The following AGBL1 variants were observed in gnomAD, a reference collection of about 807,000 sequenced individuals.
AGBL1 encodes the protein AGBL carboxypeptidase 1, also known as cytosolic carboxypeptidase 4.
AGBL1 carries 130 observed loss-of-function variants against 118.9 expected under a neutral mutation model. The observed-to-expected ratio is 1.09, with a 90% CI of 0.95 to 1.26. The LOEUF (loss-of-function observed/expected upper bound fraction) is 1.26. Ranked by LOEUF, AGBL1 falls within the 50% of genes most tolerant of loss-of-function variation. The pLI is 0.00. For missense variants in AGBL1, 1,584 were observed against 1,298.1 expected (o/e 1.22, Z -3.38); for synonymous variants, 555 against 478.9 (o/e 1.16, Z -2.08).
intron 17 of AGBL1, among the ~76,000 whole-genome samples, chr15:86,328,548 A>C (rs1166731296): frequency 6.6e-6 from 1 of 152,180 alleles, no homozygotes; most frequent in Non-Finnish European, 1.5e-5. Context: ...AAACTCTGTG[A>C]GCCTTAACTC....
intron 23 of AGBL1, among the ~76,000 whole-genome samples, chr15:86,937,529 C>T (rs574285074): frequency 7.9e-5 from 12 of 152,262 alleles, no homozygotes; most frequent in African/African-American, 2.9e-4. Flanking sequence ...CCATTATCCT[C>T]AGCAAATTAA....
chr15:86,081,846 G>A (rs959824328), intron 1 of AGBL1, among the ~76,000 whole-genome samples: 5 of 152,106 alleles, frequency 3.3e-5, no homozygotes, highest in African/African-American at 2.4e-5. Context: ...TCCTGTAGTC[G>A]GCCTCAAAGT....
At chr15:86,167,249 C>CTT (rs112194941) in intron 5 of AGBL1, among the ~76,000 whole-genome samples, 3 of 142,310 alleles carry the variant, frequency 2.1e-5, no homozygotes, top group Non-Finnish European at 4.6e-5. Flanking sequence ...TTTTACTTTT[C>CTT]TTTTTTTTTT....
At chr15:86,565,935 G>T (rs372108772) in intron 21 of AGBL1, among the ~76,000 whole-genome samples, 1 of 152,214 alleles carries the variant, frequency 6.6e-6, no homozygotes, top group African/African-American at 2.4e-5. Flanking sequence ...TGAGCCAGGC[G>T]CGGGATATAA....
chr15:86,587,308 C>G (rs962748131), intron 21 of AGBL1, among the ~76,000 whole-genome samples: 7 of 152,194 alleles, frequency 4.6e-5, no homozygotes, highest in Non-Finnish European at 1.0e-4. Context: ...CCTCTGACCT[C>G]TATGCTCCTT....
At chr15:86,274,213 A>G (rs1045160718) in intron 15 of AGBL1, among the ~76,000 whole-genome samples, 3 of 152,202 alleles carry the variant, frequency 2.0e-5, no homozygotes, top group Admixed American at 6.5e-5. Flanking sequence ...CTTAGGGCAC[A>G]CTAGAATTTT....
intron 24 of AGBL1, among the ~76,000 whole-genome samples, chr15:87,012,352 T>C (rs941408276): frequency 3.9e-5 from 6 of 152,094 alleles, no homozygotes; most frequent in African/African-American, 1.4e-4. Flanking sequence ...GGTACTTTCC[T>C]ACATTGGAGG....
chr15:86,243,104 A>G (rs1004898959), intron 6 of AGBL1, among the ~76,000 whole-genome samples: 1 of 152,218 alleles, frequency 6.6e-6, no homozygotes, highest in African/African-American at 2.4e-5. Context: ...TGTGTGGCTA[A>G]TAGTCTGTAG....
At chr15:86,906,132 G>A (rs1174775497) in intron 22 of AGBL1, among the ~76,000 whole-genome samples, 1 of 152,186 alleles carries the variant, frequency 6.6e-6, no homozygotes, top group African/African-American at 2.4e-5. Context: ...AGCTCTGCCT[G>A]ATTTATGAAG....
At chr15:87,020,272 G>T (rs1292511784) in intron 24 of AGBL1, among the ~76,000 whole-genome samples, 1 of 152,084 alleles carries the variant, frequency 6.6e-6, no homozygotes, top group Non-Finnish European at 1.5e-5. Context: ...CTCATTAGAT[G>T]CAGACAAGGC....
At chr15:86,728,734 A>C (rs1383416922) in intron 22 of AGBL1, among the ~76,000 whole-genome samples, 1 of 151,862 alleles carries the variant, frequency 6.6e-6, no homozygotes, top group Admixed American at 6.6e-5. Context: ...CATCTTTTAA[A>C]ATTTTGTGTC....
chr15:86,728,500 C>G (rs979609862), intron 22 of AGBL1, among the ~76,000 whole-genome samples: 1 of 152,174 alleles, frequency 6.6e-6, no homozygotes. Flanking sequence ...CAGAGCCTAC[C>G]TTTTCGCCTC....
At chr15:86,631,538 T>TA (rs1279860431) in intron 21 of AGBL1, among the ~76,000 whole-genome samples, 1 of 152,202 alleles carries the variant, frequency 6.6e-6, no homozygotes, top group Non-Finnish European at 1.5e-5. Context: ...GTTTCTGACT[T>TA]ACTAATTCTT....
At chr15:86,761,279 T>C (rs895049344) in intron 22 of AGBL1, among the ~76,000 whole-genome samples, 1 of 152,036 alleles carries the variant, frequency 6.6e-6, no homozygotes, top group Non-Finnish European at 1.5e-5. Flanking sequence ...ACAAGAAACC[T>C]GACATATACA....
intron 5 of AGBL1, among the ~76,000 whole-genome samples, chr15:86,182,349 TTG>T (rs1000414327): frequency 2.6e-5 from 4 of 152,080 alleles, no homozygotes; most frequent in African/African-American, 4.8e-5. Flanking sequence ...GGGAAATTCC[TTG>T]TGTTTGTTTA....
At chr15:86,672,076 A>G (rs572137322) in intron 21 of AGBL1, among the ~76,000 whole-genome samples, 23 of 152,194 alleles carry the variant, frequency 1.5e-4, no homozygotes, top group Non-Finnish European at 2.9e-4. Flanking sequence ...TTTTTCTAAA[A>G]CAAAACAAAA....
chr15:86,348,308 C>G (rs1042359231), intron 17 of AGBL1, among the ~76,000 whole-genome samples: 1 of 152,240 alleles, frequency 6.6e-6, no homozygotes, highest in African/African-American at 2.4e-5. Flanking sequence ...GTCAAAGAAA[C>G]CAGCCCCGCC....
chr15:86,889,955 T>G (rs947725394), intron 22 of AGBL1, among the ~76,000 whole-genome samples: 2 of 152,208 alleles, frequency 1.3e-5, no homozygotes, highest in Non-Finnish European at 2.9e-5. Context: ...CCTCTAGATC[T>G]TTGAGGAATC....
intron 22 of AGBL1, among the ~76,000 whole-genome samples, chr15:86,808,261 A>G (rs16978009): frequency 0.014 from 2,124 of 152,228 alleles, 52 homozygotes; most frequent in African/African-American, 0.048. Context: ...GTGCTTCTCC[A>G]TGCTACCCGT....
Sources: allele counts gnomAD v4.1 joint callset (sites outside exome capture counted in the v4.1 genomes callset), GRCh38; gene constraint gnomAD v4.1.1; transcripts MANE v1.5; gene names NCBI Gene and HGNC (gene_info 2026-07-23, HGNC 2026-07-21).